INSYN2B: variants seen among roughly 807,000 people sequenced by gnomAD.
The protein encoded by INSYN2B is protein INSYN2B.
INSYN2B carries 16 observed loss-of-function variants against 41.2 expected under a neutral mutation model. The ratio of observed to expected loss-of-function variants is 0.39; its 90% CI spans 0.26 to 0.59. The LOEUF is 0.59. Among genes scored for constraint, INSYN2B ranks in the 20% least tolerant of loss-of-function variants. The pLI is 0.57. For missense variants in INSYN2B, 608 were observed against 646.4 expected (o/e 0.94, Z 0.64); for synonymous variants, 245 against 244.4 (o/e 1.00, Z -0.02).
intron 1 of INSYN2B, among the ~76,000 whole-genome samples, chr5:169,901,256 CT>C (rs1773908619): frequency 6.6e-6 from 1 of 152,100 alleles, no homozygotes; most frequent in Admixed American, 6.5e-5. Flanking sequence ...GGTATTTGGC[CT>C]TTGTAACAGC....
intron 1 of INSYN2B, among the ~76,000 whole-genome samples, chr5:169,928,124 T>C (rs1009196517): frequency 1.3e-5 from 2 of 152,148 alleles, no homozygotes; most frequent in Non-Finnish European, 2.9e-5. Context: ...CTTCAGGCCT[T>C]CCCAGCCAAA....
intron 1 of INSYN2B, among the ~76,000 whole-genome samples, chr5:169,941,134 GT>G (rs1360117624): frequency 1.3e-5 from 2 of 152,288 alleles, no homozygotes; most frequent in Admixed American, 1.3e-4. Flanking sequence ...AAAGCACAGG[GT>G]GTCGGGAGAG....
At chr5:169,941,655 G>A (rs746282926) in intron 1 of INSYN2B, among the ~76,000 whole-genome samples, 5 of 152,156 alleles carry the variant, frequency 3.3e-5, no homozygotes, top group African/African-American at 1.2e-4. Flanking sequence ...GGACCGTGAC[G>A]GCTCCTCCAG....
chr5:169,904,147 G>A (rs1340687558), intron 1 of INSYN2B, among the ~76,000 whole-genome samples: 2 of 151,776 alleles, frequency 1.3e-5, no homozygotes, highest in African/African-American at 4.8e-5. Context: ...ATTTTCTGGG[G>A]CTGCCTAGAT....
Position 169,917,151 on chromosome 5 carries a change from A to G in INSYN2B, c.-918-32335T>C, listed in dbSNP as rs572504535. Among the ~76,000 whole-genome samples, 7 of 152,324 alleles carry G rather than the reference A, an allele frequency of 4.6e-5. No homozygotes were observed. The East Asian group carries it at 1.3e-3, about 29-fold the overall frequency. ...GACAAAAGACAACCTTTTTTAGTGA[A>G]GGAAAATTCACAGCAACCAATCTGG... On this transcript the variant is annotated intron_variant, in intron 1 of 3. Transcript: ENST00000377365.
intron 1 of INSYN2B, among the ~76,000 whole-genome samples, chr5:169,973,054 G>C (rs1777584061): frequency 6.6e-6 from 1 of 152,134 alleles, no homozygotes; most frequent in South Asian, 2.1e-4. Context: ...CATGATGTGA[G>C]AGACCTTCAC....
At position 169,953,201 on chromosome 5, in the gene INSYN2B, T is replaced by C. The variant is rs1275354153; in HGVS notation, c.-919+27076A>G. Among the ~76,000 whole-genome samples, 11 of 151,912 alleles carry C rather than the reference T, an allele frequency of 7.2e-5. No individual in the cohort carries two copies. The East Asian group carries it at 2.1e-3, about 29-fold the overall frequency. On this transcript the variant is annotated intron_variant, in intron 1 of 3. Transcript: ENST00000377365. ...AGCTGGGTGTGGCTGGGTGTGGTGGTGGGTGCCTGTAATCCCAGCTACTCA... is the reference window on the plus strand; with the variant it reads ...AGCTGGGTGTGGCTGGGTGTGGTGGCGGGTGCCTGTAATCCCAGCTACTCA...
At chr5:169,913,707 CGCCCTCT>C (rs34058949) in intron 1 of INSYN2B, among the ~76,000 whole-genome samples, 28,912 of 151,914 alleles carry the variant, frequency 0.19, 3,328 homozygotes, top group African/African-American at 0.32. Flanking sequence ...AGTCTTACCA[CGCCCTCT>C]GCCTGGACAT....
intron 1 of INSYN2B, among the ~76,000 whole-genome samples, chr5:169,905,493 G>T (rs531547356): frequency 6.6e-6 from 1 of 152,306 alleles, no homozygotes; most frequent in South Asian, 2.1e-4. Context: ...ATAGCTCGAG[G>T]CTGCCAGGCA....
chr5:169,923,512 C>A (rs980838615), intron 1 of INSYN2B, among the ~76,000 whole-genome samples: 8 of 151,790 alleles, frequency 5.3e-5, no homozygotes, highest in Admixed American at 1.3e-4. Flanking sequence ...CACACACACA[C>A]TCTTTGCAGG....
intron 1 of INSYN2B, among the ~76,000 whole-genome samples, chr5:169,899,112 G>T (rs1166215306): frequency 6.6e-6 from 1 of 152,188 alleles, no homozygotes; most frequent in Non-Finnish European, 1.5e-5. Context: ...CTGATTTGTG[G>T]ATTAGAAGAG....
intron 1 of INSYN2B, among the ~76,000 whole-genome samples, chr5:169,886,268 G>GT (rs1389997768): frequency 6.6e-6 from 1 of 152,172 alleles, no homozygotes; most frequent in Admixed American, 6.5e-5. Flanking sequence ...GAAGAGCAGG[G>GT]TTGGCTTCTG....
chr5:169,945,285 G>A (rs1319415547), intron 1 of INSYN2B, among the ~76,000 whole-genome samples: 1 of 152,230 alleles, frequency 6.6e-6, no homozygotes, highest in Non-Finnish European at 1.5e-5. Flanking sequence ...TAACGCCTTA[G>A]CAGGCATATA....
intron 1 of INSYN2B, among the ~76,000 whole-genome samples, chr5:169,967,429 A>C (rs774915130): frequency 5.0e-4 from 76 of 152,300 alleles, no homozygotes; most frequent in Non-Finnish European, 9.9e-4. Context: ...TCAGAATATG[A>C]TCTGGATGTG....
intron 1 of INSYN2B, among the ~76,000 whole-genome samples, chr5:169,972,448 G>A (rs567697117): frequency 7.3e-5 from 11 of 151,324 alleles, no homozygotes; most frequent in African/African-American, 2.7e-4. Flanking sequence ...ATAGATGTCA[G>A]TAGCAACCTC....
At chr5:169,971,488 T>C (rs1464211397) in intron 1 of INSYN2B, among the ~76,000 whole-genome samples, 3 of 150,664 alleles carry the variant, frequency 2.0e-5, no homozygotes, top group Admixed American at 6.6e-5. Context: ...AAAAGGGCTT[T>C]ACAGGAGCTC....
intron 1 of INSYN2B, among the ~76,000 whole-genome samples, chr5:169,894,005 A>G (rs913598339): frequency 6.6e-6 from 1 of 152,210 alleles, no homozygotes; most frequent in Non-Finnish European, 1.5e-5. Context: ...GAAGGGACCT[A>G]TGCTCCAGTA....
At chr5:169,979,774 A>G (rs1777875210) in intron 1 of INSYN2B, among the ~76,000 whole-genome samples, 1 of 152,240 alleles carries the variant, frequency 6.6e-6, no homozygotes, top group African/African-American at 2.4e-5. Flanking sequence ...AGTGAGAACT[A>G]AGAAATTAAC....
At chr5:169,903,704 G>A (rs745432387) in intron 1 of INSYN2B, among the ~76,000 whole-genome samples, 3 of 152,114 alleles carry the variant, frequency 2.0e-5, no homozygotes, top group Admixed American at 1.3e-4. Context: ...CGGGGCAGGG[G>A]GAGAAAAGAA....
Sources: gnomAD v4.1 joint callset for allele counts (sites outside exome capture counted in the v4.1 genomes callset) on GRCh38, gnomAD v4.1.1 for gene constraint, MANE v1.5 for transcripts, NCBI Gene and HGNC (gene_info 2026-07-23, HGNC 2026-07-21) for gene names.